SH3PXD2A: variants seen among roughly 807,000 people sequenced by gnomAD.
SH3PXD2A encodes the protein SH3 and PX domains 2A.
SH3PXD2A carries 32 observed loss-of-function variants against 115.2 expected under a neutral mutation model. That is an observed-to-expected ratio of 0.28 (90% CI 0.21 to 0.37). The LOEUF (loss-of-function observed/expected upper bound fraction) is 0.37. Among genes scored for constraint, SH3PXD2A ranks in the 10% least tolerant of loss-of-function variants. The pLI is 1.00. For missense variants in SH3PXD2A, 1,328 were observed against 1,498.7 expected, an observed-to-expected ratio of 0.89 and a Z score of 1.88; for synonymous variants, 610 against 629.1, an observed-to-expected ratio of 0.97 and a Z score of 0.45.
intron 1 of SH3PXD2A, among the ~76,000 whole-genome samples, chr10:103,837,173 C>T (rs1260187173): frequency 1.3e-5 from 2 of 152,184 alleles, no homozygotes; most frequent in Non-Finnish European, 2.9e-5. Context: ...CTTTTACCTA[C>T]TCAGGAAATT....
At chr10:103,840,968 C>T (rs2039591584) in intron 1 of SH3PXD2A, among the ~76,000 whole-genome samples, 1 of 152,146 alleles carries the variant, frequency 6.6e-6, no homozygotes, top group Non-Finnish European at 1.5e-5. Flanking sequence ...ATCTGGTTGT[C>T]AGGGATACAA....
chr10:103,782,075 C>T (rs2038936164), intron 2 of SH3PXD2A, among the ~76,000 whole-genome samples: 1 of 152,198 alleles, frequency 6.6e-6, no homozygotes, highest in Non-Finnish European at 1.5e-5. Flanking sequence ...CAGATCAGAT[C>T]CCCACCTGGT....
chr10:103,852,593 C>T (rs1432985138), intron 1 of SH3PXD2A, among the ~76,000 whole-genome samples: 2 of 152,196 alleles, frequency 1.3e-5, no homozygotes, highest in African/African-American at 4.8e-5. Context: ...TGCAGCACGT[C>T]CTGCCAGCTG....
chr10:103,694,787 A>T (rs971461039), intron 5 of SH3PXD2A, among the ~76,000 whole-genome samples: 1 of 152,152 alleles, frequency 6.6e-6, no homozygotes. Context: ...GGTGTGGAGG[A>T]GAATCTGGGA....
chr10:103,636,396 G>A (rs1448790306), intron 8 of SH3PXD2A, among the ~76,000 whole-genome samples: 5 of 146,976 alleles, frequency 3.4e-5, no homozygotes, highest in African/African-American at 1.3e-4. Context: ...GTGACAGAGC[G>A]AGACTCCATC....
chr10:103,617,680 C>T (rs550594350), intron 10 of SH3PXD2A, among the ~76,000 whole-genome samples: 130 of 152,326 alleles, frequency 8.5e-4, no homozygotes, highest in African/African-American at 3.0e-3. Flanking sequence ...TAGGAGAAGC[C>T]GGCCCCTCAT....
At chr10:103,633,866 T>C (rs2036825334) in intron 8 of SH3PXD2A, among the ~76,000 whole-genome samples, 1 of 151,580 alleles carries the variant, frequency 6.6e-6, no homozygotes, top group Non-Finnish European at 1.5e-5. Flanking sequence ...GTTAATGTGG[T>C]CCAGCCACCA....
At chr10:103,726,699 T>C (rs960482608) in intron 4 of SH3PXD2A, among the ~76,000 whole-genome samples, 14 of 152,232 alleles carry the variant, frequency 9.2e-5, no homozygotes, top group African/African-American at 3.4e-4. Context: ...GTTGCATCTA[T>C]AGAATTATAA....
At chr10:103,779,108 G>A (rs1291143554) in intron 2 of SH3PXD2A, among the ~76,000 whole-genome samples, 4 of 152,096 alleles carry the variant, frequency 2.6e-5, no homozygotes, top group East Asian at 1.9e-4. Context: ...TTGCTCCGTC[G>A]CCCAGGCTGG....
In SH3PXD2A at chr10:103,629,453, A is replaced by G. The variant is rs563079472; in HGVS notation, c.605-2251T>C. The stretch of plus-strand genomic sequence containing the variant: ...TGAGACTGCTTCCAGGTGGCTTGTA[A>G]TTATGGGAACTCAGGAAGGGTCCAG... On this transcript the variant is annotated intron_variant, in intron 8 of 14. Transcript: ENST00000369774. Among the ~76,000 whole-genome samples, 3 of 152,292 alleles carry G rather than the reference A, an allele frequency of 2.0e-5. No individual in the cohort carries two copies. In the East Asian group the frequency reaches 5.8e-4, roughly 29 times the overall value.
chr10:103,808,257 T>C (rs1294673643), intron 1 of SH3PXD2A, among the ~76,000 whole-genome samples: 2 of 148,348 alleles, frequency 1.3e-5, no homozygotes, highest in East Asian at 3.9e-4. Flanking sequence ...TCTTTTTTTT[T>C]CTTTTTTTTT....
chr10:103,662,783 A>AC (rs1466869333), intron 7 of SH3PXD2A, among the ~76,000 whole-genome samples: 1 of 151,878 alleles, frequency 6.6e-6, no homozygotes, highest in African/African-American at 2.4e-5. Flanking sequence ...TTCTCAGACC[A>AC]CCCCCAGCCC....
chr10:103,646,109 T>C (rs1019046163), intron 8 of SH3PXD2A, among the ~76,000 whole-genome samples: 2 of 152,254 alleles, frequency 1.3e-5, no homozygotes, highest in South Asian at 4.2e-4. Context: ...TCCCATCAGT[T>C]TCATCGGTTT....
At chr10:103,706,564 T>C (rs1197521159) in intron 5 of SH3PXD2A, among the ~76,000 whole-genome samples, 6 of 152,222 alleles carry the variant, frequency 3.9e-5, no homozygotes, top group Non-Finnish European at 8.8e-5. Context: ...CCCTCAACAG[T>C]AGGCTCCCTG....
chr10:103,740,225 G>C (rs1333960899), intron 3 of SH3PXD2A, among the ~76,000 whole-genome samples: 1 of 152,184 alleles, frequency 6.6e-6, no homozygotes, highest in African/African-American at 2.4e-5. Flanking sequence ...TGGCAGCTCA[G>C]AAAGGTTGAA....
intron 1 of SH3PXD2A, among the ~76,000 whole-genome samples, chr10:103,851,237 G>A (rs992804681): frequency 6.6e-6 from 1 of 151,980 alleles, no homozygotes; most frequent in Non-Finnish European, 1.5e-5. Context: ...ATAAAATCTG[G>A]GATGATCTAA....
chr10:103,772,910 C>T (rs941582245), intron 2 of SH3PXD2A, among the ~76,000 whole-genome samples: 4 of 152,178 alleles, frequency 2.6e-5, no homozygotes, highest in African/African-American at 9.7e-5. Flanking sequence ...GCTTTCCTGA[C>T]CCAGAAATTC....
At chr10:103,681,758 C>CCG (rs59908558) in intron 6 of SH3PXD2A, among the ~76,000 whole-genome samples, 31 of 147,544 alleles carry the variant, frequency 2.1e-4, no homozygotes, top group Non-Finnish European at 3.1e-4. Context: ...ACACACGCGC[C>CCG]CGCGCGCGCG....
At position 103,603,323 on chromosome 10, in the gene SH3PXD2A, G is replaced by A. The variant is rs900135284; in HGVS notation, c.1895C>T (p.Thr632Ile). 2 of 1,614,176 alleles carry A rather than the reference G, an allele frequency of 1.2e-6. No individual in the cohort carries two copies. The highest frequency in any genetic ancestry group is 1.7e-6 in the Non-Finnish European group (2 of 1,180,040). The change falls in exon 15 of 15, where the codon ACC becomes ATC. Residue 632 changes from threonine (T) to isoleucine (I), a missense_variant. Coordinates refer to ENST00000369774, the MANE Select transcript of SH3PXD2A (RefSeq NM_001394015.1). The part of the protein sequence containing the change: ...NEGFRPYAED[T>I]LSARGSSGDS... Reference sequence around the variant, plus strand: ...CCCGGAGGAGCCTCTGGCTGACAGGGTGTCCTCTGCATATGGCCGGAAGCC... The same window carrying A: ...CCCGGAGGAGCCTCTGGCTGACAGGATGTCCTCTGCATATGGCCGGAAGCC...
Sources: allele counts gnomAD v4.1 joint callset (sites outside exome capture counted in the v4.1 genomes callset), GRCh38; gene constraint gnomAD v4.1.1; transcripts MANE v1.5; gene names NCBI Gene and HGNC (gene_info 2026-07-23, HGNC 2026-07-21).